The following ACP2 variants were observed in gnomAD, a reference collection of about 807,000 sequenced individuals.
The protein encoded by ACP2 is lysosomal acid phosphatase.
In ACP2, 35 loss-of-function variants were observed where a neutral mutation model predicts 54.7. The ratio of observed to expected loss-of-function variants is 0.64; its 90% CI spans 0.49 to 0.85. The LOEUF (loss-of-function observed/expected upper bound fraction) is 0.85. Ranked by LOEUF, ACP2 falls within the 40% of genes least tolerant of loss-of-function variation. The probability of loss-of-function intolerance (pLI) is 0.00; values close to 1 mark genes in which losing one functional copy is unlikely to be tolerated. For synonymous variants in ACP2, 210 were observed against 224.4 expected, an observed-to-expected ratio of 0.94 and a Z score of 0.57; for missense variants, 492 against 565.0, an observed-to-expected ratio of 0.87 and a Z score of 1.31.
Position 47,240,259 on chromosome 11 carries a change from G to A in ACP2, c.1139-10C>T. The A allele has an allele frequency of 1.5e-6, 2 of 1,350,402 alleles. No homozygotes were observed. Among genetic ancestry groups the A allele is most frequent in the Non-Finnish European group, 2.1e-6 (2 of 939,786 alleles). 83.7% of individuals were successfully genotyped at this position (1,350,402 alleles called of 1,614,324 possible). ...AAGGCCACAATCACCTCTGGGCATG[G>A]GGGAGGCAAGAGAAAGGTCATGTCA... On this transcript the variant is annotated splice_polypyrimidine_tract_variant and intron_variant, in intron 10 of 10. Coordinates refer to ENST00000672073, the MANE Select transcript of ACP2 (RefSeq NM_001610.4).
chr11:47,243,906 G>A (rs552778398), intron 7 of ACP2, among the ~76,000 whole-genome samples: 31 of 152,288 alleles, frequency 2.0e-4, no homozygotes, highest in African/African-American at 7.0e-4. Context: ...GAAGGCTGAG[G>A]CGGGCAGATC....
chr11:47,247,499 C>T lies in ACP2; in HGVS notation c.297+142G>A. The T allele has an allele frequency of 7.4e-6, 7 of 946,398 alleles. No homozygotes were observed. The South Asian group carries it at 1.0e-4, about 14-fold the overall frequency. 58.6% of individuals were successfully genotyped at this position (946,398 alleles called of 1,614,324 possible). On this transcript the variant is annotated intron_variant, in intron 3 of 10. Transcript: ENST00000672073. ...GCTCCTAGGGCTTTGTTCCAGACAG[C>T]TCTCAGATGTCTTTTCCTGTAGTTG...
chr11:47,239,983 T>G lies in ACP2; in HGVS notation c.*133A>C. On this transcript the variant is annotated 3_prime_UTR_variant, in exon 11 of 11. Coordinates refer to ENST00000672073, the MANE Select transcript of ACP2 (RefSeq NM_001610.4). ...ATGGGCCACGCTGAGCCCCACTCGC[T>G]CATCTGGCTGGGGTCATCAGAGGGA... 1 of 916,474 alleles carries G rather than the reference T, an allele frequency of 1.1e-6. No homozygotes were observed. The highest frequency in any genetic ancestry group is 1.6e-6 in the Non-Finnish European group (1 of 609,410). The allele number at this position is 916,474 out of a possible 1,614,324, so 56.8% of individuals were successfully genotyped here. A position where few individuals can be genotyped will look rare whatever the true frequency, so the allele number is the denominator to read the frequency against.
Position 47,245,581 on chromosome 11 carries a change from C to G in ACP2, c.451-9G>C. On this transcript the variant is annotated splice_polypyrimidine_tract_variant and intron_variant, in intron 4 of 10. Transcript: ENST00000672073. ...AACGGGAACTTCAGCAGCTGTAGAG[C>G]GAAGCGGGGAAACAGGCAGCGGGAA... The G allele has an allele frequency of 6.2e-7, 1 of 1,614,220 alleles. No individual in the cohort carries two copies. Among genetic ancestry groups the G allele is most frequent in the Middle Eastern group, 1.6e-4 (1 of 6,062 alleles).
chr11:47,248,766 C>T lies in ACP2; in HGVS notation c.24G>A (p.Trp8Ter). The change falls in exon 1 of 11, where the codon TGG becomes TGA. Residue 8 changes from tryptophan to a stop codon, truncating the protein, a stop_gained. Transcript: ENST00000672073. LOFTEE classifies it high-confidence loss of function. The part of the protein sequence containing the change: MAGKRSG[W>*]SRAALLQLLL... ...GGAGCTGGAGGAGAGCCGCCCGGCTCCAGCCGGACCGCTTGCCCGCCATCA... is the reference window on the plus strand; with the variant it reads ...GGAGCTGGAGGAGAGCCGCCCGGCTTCAGCCGGACCGCTTGCCCGCCATCA... 6.2e-7 allele frequency: 1 copy of T among 1,600,310 alleles called. No homozygotes were observed. Among genetic ancestry groups the T allele is most frequent in the Non-Finnish European group, 8.5e-7 (1 of 1,173,676 alleles).
intron 7 of ACP2, 92 bp downstream of exon 7, chr11:47,244,643 T>C: frequency 9.8e-7 from 1 of 1,019,058 alleles, no homozygotes. Context: ...AGTGTTTCAG[T>C]AGAGAGGGAA....
chr11:47,247,506 A>G, intron 3 of ACP2, 135 bp downstream of exon 3: 1 of 1,002,344 alleles, frequency 1.0e-6, no homozygotes, highest in Non-Finnish European at 1.5e-6. Flanking sequence ...CAGCTCTCAG[A>G]TGTCTTTTCC....
Position 47,239,928 on chromosome 11 carries a change from C to A in ACP2, c.*188G>T, listed in dbSNP as rs1354989339. The stretch of plus-strand genomic sequence containing the variant: ...GTCCAACACAGCACTTGGTAAACAT[C>A]AGGCATGGGAATGCTGAGTGACAGG... On this transcript the variant is annotated 3_prime_UTR_variant, in exon 11 of 11. Transcript: ENST00000672073. The A allele has an allele frequency of 5.0e-6, 3 of 601,754 alleles. No homozygotes were observed. Among genetic ancestry groups the A allele is most frequent in the Non-Finnish European group, 8.7e-6 (3 of 346,304 alleles). 37.3% of individuals were successfully genotyped at this position (601,754 alleles called of 1,614,324 possible). A position where few individuals can be genotyped will look rare whatever the true frequency, so the allele number is the denominator to read the frequency against.
Position 47,243,670 on chromosome 11 carries a change from T to C in ACP2, c.773-349A>G, listed in dbSNP as rs149149764. Among the ~76,000 whole-genome samples, 212 of 152,298 alleles carry C rather than the reference T, an allele frequency of 1.4e-3. 1 individual carries two copies. The highest frequency in any genetic ancestry group is 5.0e-3 in the African/African-American group (207 of 41,568). ...ATGCCCGGGTAACTACCATATGCTCTGAAAAGTGAGATGTCAAAAAGGTGT... is the reference window on the plus strand; with the variant it reads ...ATGCCCGGGTAACTACCATATGCTCCGAAAAGTGAGATGTCAAAAAGGTGT... On this transcript the variant is annotated intron_variant, in intron 7 of 10. Transcript: ENST00000672073.
chr11:47,247,496 C>T, intron 3 of ACP2, 145 bp downstream of exon 3: 1 of 919,554 alleles, frequency 1.1e-6, no homozygotes, highest in Non-Finnish European at 1.7e-6. Flanking sequence ...TTGTTCCAGA[C>T]AGCTCTCAGA....
In ACP2 at chr11:47,248,798, T is replaced by A; in HGVS notation, c.-9A>T. On this transcript the variant is annotated 5_prime_UTR_variant, in exon 1 of 11. Transcript: ENST00000672073. Reference sequence around the variant, plus strand: ...GACCGCTTGCCCGCCATCACCGTTGTAATCTATGCAGCAAACAAGCTGGAA... The same window carrying A: ...GACCGCTTGCCCGCCATCACCGTTGAAATCTATGCAGCAAACAAGCTGGAA... 6.3e-7 allele frequency: 1 copy of A among 1,584,148 alleles called. No homozygotes were observed. Among genetic ancestry groups the A allele is most frequent in the Non-Finnish European group, 8.6e-7 (1 of 1,164,508 alleles).
Position 47,245,310 on chromosome 11 carries a change from A to G in ACP2, c.634T>C (p.Cys212Arg). The G allele has an allele frequency of 6.8e-6, 11 of 1,614,108 alleles. No homozygotes were observed. Among genetic ancestry groups the G allele is most frequent in the South Asian group, 1.1e-5 (1 of 91,080 alleles). ...TVWNVYDTLFCEQTHGLRLPP... is the reference protein window; with the variant it reads ...TVWNVYDTLFREQTHGLRLPP... ...GGGCACCCTAGTGGGCTCACCTCAC[A>G]GAAGAGTGTGTCATAGACATTCCAG... is the stretch of plus-strand genomic sequence containing the variant. Residue 212 changes from cysteine to arginine, a missense_variant, in exon 6 of 11, where the codon TGT becomes CGT. Physicochemically the swap from Cys to Arg is radical, Grantham distance 180 (BLOSUM62 -3). Coordinates refer to ENST00000672073, the MANE Select transcript of ACP2 (RefSeq NM_001610.4).
At position 47,248,176 on chromosome 11, in the gene ACP2, C is replaced by A. The variant is rs1382560866; in HGVS notation, c.115-43G>T. 1.7e-5 allele frequency: 26 copies of A among 1,521,876 alleles called. No individual in the cohort carries two copies. In the Admixed American group the frequency reaches 5.5e-4, roughly 32 times the overall value. 94.3% of individuals were successfully genotyped at this position (1,521,876 alleles called of 1,614,324 possible). A position where few individuals can be genotyped will look rare whatever the true frequency, so the allele number is the denominator to read the frequency against. ...TTTGCCTATAGGTCAGAAGCATCCCCTTGATAGGGACCCAGAGCCTACCTT... is the reference window on the plus strand; with the variant it reads ...TTTGCCTATAGGTCAGAAGCATCCCATTGATAGGGACCCAGAGCCTACCTT... On this transcript the variant is annotated intron_variant, in intron 1 of 10. Transcript: ENST00000672073.
intron 3 of ACP2, chr11:47,247,385 T>A: frequency 3.6e-6 from 2 of 562,724 alleles, no homozygotes; most frequent in Non-Finnish European, 6.4e-6. Context: ...GATTTCACAG[T>A]CAGAAACCAC....
rs1295515713 is a variant in ACP2, at chr11:47,242,708, C to T, written c.1138+15G>A. On this transcript the variant is annotated intron_variant, in intron 10 of 10. Transcript: ENST00000672073. ...GTCTAGGGCATGACTAGCAAGGAGG[C>T]CGGTGACAGCTCACCTGTGTCTGCA... 6.2e-7 allele frequency: 1 copy of T among 1,603,150 alleles called. No individual in the cohort carries two copies. The highest frequency in any genetic ancestry group is 1.1e-5 in the South Asian group (1 of 90,436).
At chr11:47,240,406 T>C (rs1401686273) in intron 10 of ACP2, among the ~76,000 whole-genome samples, 157 bp from the exon 11 acceptor site, 1 of 152,160 alleles carries the variant, frequency 6.6e-6, no homozygotes, top group Admixed American at 6.5e-5. Context: ...AATAAGCAAA[T>C]GGGCTGGTCA....
intron 10 of ACP2, among the ~76,000 whole-genome samples, chr11:47,241,041 T>G (rs11039143): frequency 0.034 from 5,209 of 152,182 alleles, 124 homozygotes; most frequent in South Asian, 0.12. Flanking sequence ...CACATGCTAG[T>G]ATCATCAAGA....
intron 10 of ACP2, among the ~76,000 whole-genome samples, chr11:47,242,412 C>T (rs1953905543): frequency 6.6e-6 from 1 of 152,092 alleles, no homozygotes; most frequent in Non-Finnish European, 1.5e-5. Context: ...CGTCAGAGCT[C>T]CTTGCAGAGA....
At chr11:47,245,176 TC>T in intron 6 of ACP2, 128 bp downstream of exon 6, 1 of 1,097,592 alleles carries the variant, frequency 9.1e-7, no homozygotes, top group Non-Finnish European at 1.4e-6. Flanking sequence ...TTCCCGTGTT[TC>T]ACAAGCACAG....
Sources: gnomAD v4.1 joint callset for allele counts (sites outside exome capture counted in the v4.1 genomes callset) on GRCh38, gnomAD v4.1.1 for gene constraint, MANE v1.5 for transcripts, NCBI Gene and HGNC (gene_info 2026-07-23, HGNC 2026-07-21) for gene names.